MVB12B: variants seen among roughly 807,000 people sequenced by gnomAD.
The protein encoded by MVB12B is multivesicular body subunit 12B.
In MVB12B, 16 loss-of-function variants were observed where a neutral mutation model predicts 41.6. That is an observed-to-expected ratio of 0.38 (90% confidence interval 0.26 to 0.58). MVB12B has a LOEUF of 0.58. MVB12B is among the 20% of genes least tolerant of loss of function. The pLI is 0.62. For missense variants in MVB12B, 274 were observed against 380.2 expected, an observed-to-expected ratio of 0.72 and a Z score of 2.32; for synonymous variants, 133 against 139.7, an observed-to-expected ratio of 0.95 and a Z score of 0.34.
In MVB12B at chr9:126,386,920, G is replaced by A. The variant is rs1271263753; in HGVS notation, c.409+262G>A. 1.3e-5 allele frequency among the ~76,000 whole-genome samples: 2 copies of A among 152,022 alleles called. No homozygotes were observed. The highest frequency in any genetic ancestry group is 1.5e-5 in the Non-Finnish European group (1 of 68,014). ...GCTCCCTGCTGAATCGGCTCACTGGGGAATGGAATGGTGAAACTATACAGT... is the reference window on the plus strand; with the variant it reads ...GCTCCCTGCTGAATCGGCTCACTGGAGAATGGAATGGTGAAACTATACAGT... On this transcript the variant is annotated intron_variant, in intron 4 of 9. Transcript: ENST00000361171. The surrounding 1 kb of genome is among the most constrained non-coding windows in gnomAD (Gnocchi z 4.3).
chr9:126,477,921 G>T (rs1833451844), intron 7 of MVB12B, among the ~76,000 whole-genome samples: 1 of 152,204 alleles, frequency 6.6e-6, no homozygotes, highest in African/African-American at 2.4e-5. Context: ...TAGTCAGAAA[G>T]CCAGGCTTAC....
intron 9 of MVB12B, among the ~76,000 whole-genome samples, chr9:126,497,612 G>A (rs1458164437): frequency 1.3e-5 from 2 of 152,158 alleles, no homozygotes; most frequent in Non-Finnish European, 2.9e-5. Context: ...AGAGAGCATT[G>A]AACAAGGAAT....
At chr9:126,328,691 C>T (rs1339816483) in intron 1 of MVB12B, among the ~76,000 whole-genome samples, 1 of 152,034 alleles carries the variant, frequency 6.6e-6, no homozygotes, top group Admixed American at 6.5e-5. Flanking sequence ...AGTCAGTAAA[C>T]GGTAGGGGTC....
At position 126,396,944 on chromosome 9, in the gene MVB12B, G is replaced by A. The variant is rs570386315; in HGVS notation, c.662+1247G>A. The A allele has an allele frequency of 2.2e-5, 22 of 985,594 alleles. No homozygotes were observed. The South Asian group carries it at 4.7e-4, about 21-fold the overall frequency. The allele number at this position is 985,594 out of a possible 1,614,324, so 61.1% of individuals were successfully genotyped here. A position where few individuals can be genotyped will look rare whatever the true frequency, so the allele number is the denominator to read the frequency against. On this transcript the variant is annotated intron_variant, in intron 6 of 9. Transcript: ENST00000361171. ...TTGTTCCTCACTTCTGAGCCAGAGC[G>A]CTGTCAGCTCCGCCCTGGAGGGCAC...
At chr9:126,427,325 A>C (rs942593143) in intron 7 of MVB12B, among the ~76,000 whole-genome samples, 2 of 152,100 alleles carry the variant, frequency 1.3e-5, no homozygotes, top group African/African-American at 4.8e-5. Flanking sequence ...CAGGCACCTT[A>C]TGGGACTGGA....
intron 9 of MVB12B, among the ~76,000 whole-genome samples, chr9:126,498,079 G>T (rs1171258473): frequency 6.6e-6 from 1 of 152,178 alleles, no homozygotes; most frequent in Non-Finnish European, 1.5e-5. Context: ...GCTGGGCCCT[G>T]CCTCTCTCCT....
intron 9 of MVB12B, among the ~76,000 whole-genome samples, chr9:126,487,217 A>G (rs1336712389): frequency 6.6e-6 from 1 of 152,146 alleles, no homozygotes; most frequent in East Asian, 1.9e-4. Context: ...TCCAGAGTCT[A>G]TGTGGGTTTA....
rs899399947 is a variant in MVB12B, at chr9:126,436,022, G to T, written c.757+14074G>T. ...ATTTATTTTTGCAAACTATTGTTTT[G>T]ATTCATCATTTTTGCAGATAATTAA... On this transcript the variant is annotated intron_variant, in intron 7 of 9. Transcript: ENST00000361171. The surrounding 1 kb of genome is among the most constrained non-coding windows in gnomAD (Gnocchi z 4.1). Among the ~76,000 whole-genome samples, 12 of 152,172 alleles carry T rather than the reference G, an allele frequency of 7.9e-5. No homozygotes were observed. Among genetic ancestry groups the T allele is most frequent in the Non-Finnish European group, 1.2e-4 (8 of 68,016 alleles).
intron 7 of MVB12B, among the ~76,000 whole-genome samples, chr9:126,428,664 A>C (rs1268956202): frequency 6.6e-6 from 1 of 152,168 alleles, no homozygotes; most frequent in Non-Finnish European, 1.5e-5. Context: ...ACTGCTTGGC[A>C]TGTTGTAATG....
At chr9:126,445,986 T>C (rs1418494600) in intron 7 of MVB12B, among the ~76,000 whole-genome samples, 1 of 152,234 alleles carries the variant, frequency 6.6e-6, no homozygotes, top group African/African-American at 2.4e-5. Flanking sequence ...GGCTAAAACA[T>C]TGAAAGCAGT....
chr9:126,357,442 G>T (rs1337611077), intron 2 of MVB12B, among the ~76,000 whole-genome samples: 1 of 152,180 alleles, frequency 6.6e-6, no homozygotes, highest in African/African-American at 2.4e-5. Flanking sequence ...TTTTCCAAGT[G>T]GTTGTATCAT....
intron 2 of MVB12B, among the ~76,000 whole-genome samples, chr9:126,341,602 G>C (rs1323369924): frequency 6.6e-6 from 1 of 152,202 alleles, no homozygotes; most frequent in Non-Finnish European, 1.5e-5. Flanking sequence ...TCCAGCAGAA[G>C]AAGCCCTAAG....
At position 126,473,951 on chromosome 9, in the gene MVB12B, T is replaced by C. The variant is rs2119194706; in HGVS notation, c.758-7418T>C. On this transcript the variant is annotated intron_variant, in intron 7 of 9. Transcript: ENST00000361171. This position sits in a 1 kb window ranked among gnomAD's most constrained non-coding sequence, Gnocchi z 4.0. Reference sequence around the variant, plus strand: ...AGAACTGGGCTTGGGGAGAACTTCTTTACCTCCCAGGTTTGTTGGGGGTGG... The same window carrying C: ...AGAACTGGGCTTGGGGAGAACTTCTCTACCTCCCAGGTTTGTTGGGGGTGG... 6.6e-6 allele frequency among the ~76,000 whole-genome samples: 1 copy of C among 152,320 alleles called. No homozygotes were observed. Among genetic ancestry groups the C allele is most frequent in the Non-Finnish European group, 1.5e-5 (1 of 68,026 alleles).
At chr9:126,429,815 C>T (rs1832282418) in intron 7 of MVB12B, among the ~76,000 whole-genome samples, 1 of 152,166 alleles carries the variant, frequency 6.6e-6, no homozygotes, top group African/African-American at 2.4e-5. Flanking sequence ...ACTCCTGCCT[C>T]CTGGAGGTTT....
intron 6 of MVB12B, among the ~76,000 whole-genome samples, chr9:126,405,767 G>A (rs938893324): frequency 6.6e-6 from 1 of 151,642 alleles, no homozygotes; most frequent in Non-Finnish European, 1.5e-5. Flanking sequence ...GGGTAGGGTA[G>A]AATTCAATCT....
intron 7 of MVB12B, among the ~76,000 whole-genome samples, chr9:126,435,164 A>T (rs1176578756): frequency 1.6e-4 from 24 of 152,210 alleles, no homozygotes; most frequent in Non-Finnish European, 1.3e-4. Context: ...CCCAGTGCCT[A>T]GTACCAAGAG....
chr9:126,479,118 G>GAGA (rs371298707), intron 7 of MVB12B, among the ~76,000 whole-genome samples: 19,612 of 152,086 alleles, frequency 0.13, 1,784 homozygotes, highest in East Asian at 0.43. Flanking sequence ...GACCATGACA[G>GAGA]GTGAAGAGTG....
chr9:126,481,460 AC>A, intron 8 of MVB12B, 36 bp downstream of exon 8: 10 of 1,520,704 alleles, frequency 6.6e-6, no homozygotes, highest in Non-Finnish European at 7.3e-6. Context: ...CCCCTCTGCC[AC>A]CCCCCAGCCT....
At chr9:126,494,308 T>C (rs1833788089) in intron 9 of MVB12B, among the ~76,000 whole-genome samples, 1 of 152,194 alleles carries the variant, frequency 6.6e-6, no homozygotes, top group Non-Finnish European at 1.5e-5. Flanking sequence ...ACTGCCCTTT[T>C]GGGTCTTCTC....
Sources: allele counts gnomAD v4.1 joint callset (sites outside exome capture counted in the v4.1 genomes callset), GRCh38; gene constraint gnomAD v4.1.1; non-coding constraint Gnocchi (gnomAD v3.1); transcripts MANE v1.5; gene names NCBI Gene and HGNC (gene_info 2026-07-23, HGNC 2026-07-21).